The following DTWD2 variants were observed in gnomAD, a reference collection of about 807,000 sequenced individuals.
The protein encoded by DTWD2 is DTW motif tRNA-uridine aminocarboxypropyltransferase 2, also known as tRNA-uridine aminocarboxypropyltransferase 2.
DTWD2 carries 39 observed loss-of-function variants against 31.8 expected under a neutral mutation model. The ratio of observed to expected loss-of-function variants is 1.22; its 90% confidence interval spans 0.95 to 1.60. DTWD2 has a LOEUF of 1.60. Ranked by LOEUF, DTWD2 falls within the 40% of genes most tolerant of loss-of-function variation. The pLI, the probability that DTWD2 is intolerant of heterozygous loss-of-function variation, is 0.00. For missense variants in DTWD2, 515 were observed against 381.5 expected (o/e 1.35, Z -2.92); for synonymous variants, 180 against 142.8 (o/e 1.26, Z -1.86).
intron 1 of DTWD2, among the ~76,000 whole-genome samples, chr5:118,973,633 GC>G (rs1339242774): frequency 1.3e-4 from 19 of 149,198 alleles, no homozygotes; most frequent in Non-Finnish European, 2.4e-4. Context: ...CAGCCTCCTT[GC>G]TCGCGGCAGC....
intron 1 of DTWD2, among the ~76,000 whole-genome samples, chr5:118,977,619 AG>A (rs771768244): frequency 7.9e-5 from 12 of 152,166 alleles, no homozygotes; most frequent in Non-Finnish European, 1.5e-4. Context: ...GCCTAGATAT[AG>A]AGCTAACAAG....
intron 5 of DTWD2, among the ~76,000 whole-genome samples, chr5:118,845,459 C>T (rs1485500674): frequency 6.6e-6 from 1 of 152,204 alleles, no homozygotes; most frequent in African/African-American, 2.4e-5. Flanking sequence ...AAGAAAACAG[C>T]TTTCACTATA....
At chr5:118,859,033 ATTAG>A (rs886503068) in intron 4 of DTWD2, among the ~76,000 whole-genome samples, 1 of 152,112 alleles carries the variant, frequency 6.6e-6, no homozygotes, top group Non-Finnish European at 1.5e-5. Flanking sequence ...AAAATTCATC[ATTAG>A]TTTGGATCAA....
intron 1 of DTWD2, among the ~76,000 whole-genome samples, chr5:118,965,439 C>A (rs564289544): frequency 3.8e-4 from 56 of 146,302 alleles, no homozygotes; most frequent in African/African-American, 1.3e-3. Context: ...CAACAGCTCA[C>A]TGAGAACGGG....
intron 4 of DTWD2, among the ~76,000 whole-genome samples, chr5:118,919,733 TATG>T (rs533588355): frequency 5.0e-4 from 76 of 152,344 alleles, no homozygotes; most frequent in African/African-American, 1.7e-3. Flanking sequence ...GTTTAAACAT[TATG>T]ATGTTTATCA....
At chr5:118,986,162 C>CT (rs1244403862) in intron 1 of DTWD2, among the ~76,000 whole-genome samples, 1 of 151,924 alleles carries the variant, frequency 6.6e-6, no homozygotes, top group Non-Finnish European at 1.5e-5. Flanking sequence ...GATACATACT[C>CT]TGGGGAGATC....
chr5:118,969,752 T>G (rs1360529225), intron 1 of DTWD2, among the ~76,000 whole-genome samples: 2 of 152,096 alleles, frequency 1.3e-5, no homozygotes, highest in Non-Finnish European at 2.9e-5. Context: ...GCAAAAACGC[T>G]GAAAACTCAA....
chr5:118,888,185 T>C (rs1304220391), intron 4 of DTWD2, among the ~76,000 whole-genome samples: 1 of 152,214 alleles, frequency 6.6e-6, no homozygotes, highest in Non-Finnish European at 1.5e-5. Context: ...ATCACTACCA[T>C]CAAGATAATG....
intron 4 of DTWD2, among the ~76,000 whole-genome samples, chr5:118,854,628 T>C (rs1561427361): frequency 6.6e-6 from 1 of 152,036 alleles, no homozygotes; most frequent in Non-Finnish European, 1.5e-5. Flanking sequence ...TCTAATCACA[T>C]ACACACAAAA....
intron 4 of DTWD2, among the ~76,000 whole-genome samples, chr5:118,870,052 C>A (rs1752468262): frequency 6.6e-6 from 1 of 152,194 alleles, no homozygotes; most frequent in African/African-American, 2.4e-5. Flanking sequence ...AGCTTCCCTT[C>A]CACCATGATT....
chr5:118,922,657 T>C (rs1422119601), intron 4 of DTWD2, among the ~76,000 whole-genome samples: 1 of 152,198 alleles, frequency 6.6e-6, no homozygotes, highest in Non-Finnish European at 1.5e-5. Flanking sequence ...AAAGAGCACC[T>C]TGAGTAAACA....
chr5:118,963,766 C>A (rs1299021582), intron 1 of DTWD2, among the ~76,000 whole-genome samples: 4 of 152,186 alleles, frequency 2.6e-5, no homozygotes, highest in South Asian at 2.1e-4. Context: ...AAGCAGGGGT[C>A]CCTCCCACCT....
chr5:118,973,831 C>A (rs1755058444), intron 1 of DTWD2: 1 of 1,612,462 alleles, frequency 6.2e-7, no homozygotes, highest in Non-Finnish European at 8.5e-7. Context: ...GCTCCGAAAT[C>A]ACCACCAAGG....
At chr5:118,964,702 G>A (rs1393673822) in intron 1 of DTWD2, among the ~76,000 whole-genome samples, 5 of 152,228 alleles carry the variant, frequency 3.3e-5, no homozygotes, top group East Asian at 1.9e-4. Context: ...TCGGCCTCCC[G>A]AGGTGCCAGG....
rs535083737 is a variant in DTWD2, at chr5:118,931,262, G to A, written c.405-2533C>T. 1.4e-4 allele frequency among the ~76,000 whole-genome samples: 22 copies of A among 152,116 alleles called. No individual in the cohort carries two copies. The South Asian group carries it at 4.2e-3, about 29-fold the overall frequency. On this transcript the variant is annotated intron_variant, in intron 3 of 5. Transcript: ENST00000510708. ...GTTTAAAAATCAGCCAAGCATGGTG[G>A]CGTGCACCTATGGTCCCAGCTACTC... is the stretch of plus-strand genomic sequence containing the variant.
chr5:118,900,007 T>C (rs1330332485), intron 4 of DTWD2, among the ~76,000 whole-genome samples: 1 of 152,078 alleles, frequency 6.6e-6, no homozygotes, highest in African/African-American at 2.4e-5. Flanking sequence ...TTCACTATGT[T>C]GACCAAGTTA....
chr5:118,844,237 C>T (rs143672687), intron 5 of DTWD2, among the ~76,000 whole-genome samples: 70 of 152,300 alleles, frequency 4.6e-4, no homozygotes, highest in African/African-American at 1.7e-3. Context: ...ACCATTACTA[C>T]CAACTGCAGA....
intron 4 of DTWD2, among the ~76,000 whole-genome samples, chr5:118,889,755 A>C (rs1057477257): frequency 6.6e-6 from 1 of 152,148 alleles, no homozygotes; most frequent in African/African-American, 2.4e-5. Context: ...TTCAACAATT[A>C]TTTCATTAGT....
intron 3 of DTWD2, among the ~76,000 whole-genome samples, chr5:118,931,145 C>T (rs1753913893): frequency 6.6e-6 from 1 of 152,022 alleles, no homozygotes; most frequent in Non-Finnish European, 1.5e-5. Context: ...GTAATCCCAG[C>T]ACTTTGGGAG....
Sources: allele counts gnomAD v4.1 joint callset (sites outside exome capture counted in the v4.1 genomes callset), GRCh38; gene constraint gnomAD v4.1.1; transcripts MANE v1.5; gene names NCBI Gene and HGNC (gene_info 2026-07-23, HGNC 2026-07-21).